PRKCA: variants seen among roughly 807,000 people sequenced by gnomAD.
PRKCA encodes protein kinase C alpha, also known as protein kinase C alpha type.
PRKCA carries 27 observed loss-of-function variants against 87.0 expected under a neutral mutation model. That is an observed-to-expected ratio of 0.31 (90% confidence interval 0.23 to 0.43). The LOEUF (loss-of-function observed/expected upper bound fraction) is 0.43, where lower values mean the gene tolerates loss of function less well. Among genes scored for constraint, PRKCA ranks in the 20% least tolerant of loss-of-function variants. The probability of loss-of-function intolerance (pLI) is 1.00; values close to 1 mark genes in which losing one functional copy is unlikely to be tolerated. For synonymous variants in PRKCA, 329 were observed against 311.1 expected, an observed-to-expected ratio of 1.06 and a Z score of -0.61; for missense variants, 518 against 852.3, an observed-to-expected ratio of 0.61 and a Z score of 4.88.
rs372777184 is a variant in PRKCA at position 66,750,547 on chromosome 17, G to A, written c.1524+7787G>A. On this transcript the variant is annotated intron_variant, in intron 13 of 16. Coordinates refer to ENST00000413366, the MANE Select transcript of PRKCA (RefSeq NM_002737.3). ...ACTGTCTCATAATTCTCCCCGCCTTGGAGTTTAATCAGTTTAGCCTCTTCT... is the reference window on the plus strand; with the variant it reads ...ACTGTCTCATAATTCTCCCCGCCTTAGAGTTTAATCAGTTTAGCCTCTTCT... Among the ~76,000 whole-genome samples, 112 of 152,262 alleles carry A rather than the reference G, an allele frequency of 7.4e-4. 4 individuals carry two copies. The South Asian group carries it at 0.022, about 29-fold the overall frequency.
intron 5 of PRKCA, among the ~76,000 whole-genome samples, chr17:66,682,704 A>G (rs1246957937): frequency 7.6e-6 from 1 of 132,070 alleles, no homozygotes; most frequent in Non-Finnish European, 1.7e-5. Context: ...AAGTAGTGTG[A>G]TTTTGTTGTT....
At position 66,556,624 on chromosome 17, in the gene PRKCA, G is replaced by A. The variant is rs1396652290; in HGVS notation, c.288+60341G>A. ...TGTATCAAGAGCAAGAACAGTTGGA[G>A]ACAACTAAATCATGGGGGGCAGTGT... On this transcript the variant is annotated intron_variant, in intron 3 of 16. Transcript: ENST00000413366. Among the ~76,000 whole-genome samples the A allele has an allele frequency of 2.6e-5, 4 of 152,172 alleles. No individual in the cohort carries two copies. The East Asian group carries it at 7.7e-4, about 29-fold the overall frequency.
chr17:66,798,249 G>A (rs1025008092), intron 16 of PRKCA, among the ~76,000 whole-genome samples: 1 of 152,262 alleles, frequency 6.6e-6, no homozygotes, highest in South Asian at 2.1e-4. Context: ...ATGGTGATGA[G>A]TAAGGTTAGA....
At chr17:66,436,250 A>T (rs998471916) in intron 2 of PRKCA, among the ~76,000 whole-genome samples, 1 of 152,160 alleles carries the variant, frequency 6.6e-6, no homozygotes, top group Non-Finnish European at 1.5e-5. Context: ...AGCAGGGGGA[A>T]GTCTTAGCAC....
chr17:66,732,382 G>A (rs777425569), intron 8 of PRKCA, among the ~76,000 whole-genome samples: 12 of 152,244 alleles, frequency 7.9e-5, no homozygotes, highest in African/African-American at 2.4e-4. Flanking sequence ...CCAAGAAGTC[G>A]ACTTTGACAT....
intron 9 of PRKCA, 65 bp from the exon 10 acceptor site, chr17:66,735,424 T>C: frequency 6.3e-7 from 1 of 1,577,098 alleles, no homozygotes; most frequent in African/African-American, 1.3e-5. Flanking sequence ...CTGGCCTGGT[T>C]CCTTCCCTCT....
intron 2 of PRKCA, among the ~76,000 whole-genome samples, chr17:66,315,143 A>G (rs1905253912): frequency 6.6e-6 from 1 of 152,106 alleles, no homozygotes; most frequent in African/African-American, 2.4e-5. Flanking sequence ...GATAGCCAGC[A>G]CCCATATAGC....
At chr17:66,371,287 C>G (rs1262239132) in intron 2 of PRKCA, among the ~76,000 whole-genome samples, 2 of 152,168 alleles carry the variant, frequency 1.3e-5, no homozygotes, top group Admixed American at 1.3e-4. Flanking sequence ...GAGAGGAGTT[C>G]AGAATGAAGA....
chr17:66,488,246 A>G (rs1019581972), intron 2 of PRKCA, among the ~76,000 whole-genome samples: 2 of 152,232 alleles, frequency 1.3e-5, no homozygotes, highest in African/African-American at 4.8e-5. Flanking sequence ...GGCGTGAACA[A>G]TAAAAGCGTG....
intron 2 of PRKCA, among the ~76,000 whole-genome samples, chr17:66,413,206 C>A (rs1911921324): frequency 6.6e-6 from 1 of 152,198 alleles, no homozygotes; most frequent in African/African-American, 2.4e-5. Context: ...CCTTCTCAGG[C>A]TCAGTTCATC....
rs540294393 is a variant in PRKCA, at chr17:66,670,888, A to T, written c.530-16223A>T. On this transcript the variant is annotated intron_variant, in intron 5 of 16. Transcript: ENST00000413366. ...AAAATAAATTTAAAAAAATTATAGA[A>T]AAAATAAATGCAAAGAAAACAGAGT... is the stretch of plus-strand genomic sequence containing the variant. Among the ~76,000 whole-genome samples, 6 of 152,114 alleles carry T rather than the reference A, an allele frequency of 3.9e-5. No homozygotes were observed. In the South Asian group the frequency reaches 1.2e-3, roughly 32 times the overall value.
intron 2 of PRKCA, among the ~76,000 whole-genome samples, chr17:66,336,985 T>C (rs889252146): frequency 9.2e-5 from 14 of 152,110 alleles, no homozygotes; most frequent in Non-Finnish European, 1.8e-4. Flanking sequence ...GAGATGGGGT[T>C]TCACCATGTT....
chr17:66,729,764 G>T (rs1189432086), intron 8 of PRKCA, among the ~76,000 whole-genome samples: 2 of 146,218 alleles, frequency 1.4e-5, no homozygotes, highest in Non-Finnish European at 3.0e-5. Context: ...CTTGATCCCT[G>T]TATGAGCGAG....
intron 5 of PRKCA, among the ~76,000 whole-genome samples, chr17:66,648,546 A>T (rs527785016): frequency 5.7e-4 from 87 of 152,334 alleles, no homozygotes; most frequent in African/African-American, 2.1e-3. Context: ...TTTTGATGAC[A>T]GTTTCCATAA....
At position 66,433,764 on chromosome 17, in the gene PRKCA, C is replaced by T. The variant is rs369075160; in HGVS notation, c.206-62437C>T. On this transcript the variant is annotated intron_variant, in intron 2 of 16. Transcript: ENST00000413366. ...TTCACCATGTTGCCCACGCTGGTCT[C>T]GAACTCCTGAGCTCAAATCATCCAC... 2.0e-4 allele frequency among the ~76,000 whole-genome samples: 30 copies of T among 152,252 alleles called. No homozygotes were observed. In the East Asian group the frequency reaches 5.4e-3, roughly 27 times the overall value.
intron 14 of PRKCA, among the ~76,000 whole-genome samples, chr17:66,778,591 CCTTTGGGGCCCTTG>C (rs1426733072): frequency 1.3e-5 from 2 of 151,984 alleles, no homozygotes; most frequent in Admixed American, 6.6e-5. Context: ...GTGGCTCATC[CCTTTGGGGCCCTTG>C]GGAGGCCAAG....
chr17:66,340,375 T>TTTTCC (rs1319881239), intron 2 of PRKCA, among the ~76,000 whole-genome samples: 1 of 130,362 alleles, frequency 7.7e-6, no homozygotes, highest in Admixed American at 8.0e-5. Flanking sequence ...TCTTTTTTTT[T>TTTTCC]TTTTCTTTTT....
At chr17:66,510,083 C>T (rs543625541) in intron 3 of PRKCA, among the ~76,000 whole-genome samples, 2 of 152,124 alleles carry the variant, frequency 1.3e-5, no homozygotes, top group South Asian at 4.2e-4. Flanking sequence ...TAGTGATAAG[C>T]AGAAAAGAGG....
At chr17:66,758,873 A>G (rs542038068) in intron 13 of PRKCA, among the ~76,000 whole-genome samples, 1 of 152,348 alleles carries the variant, frequency 6.6e-6, no homozygotes, top group East Asian at 1.9e-4. Flanking sequence ...GTGAAAGTAA[A>G]ATACTTTTAG....
Sources: allele counts gnomAD v4.1 joint callset (sites outside exome capture counted in the v4.1 genomes callset), GRCh38; gene constraint gnomAD v4.1.1; transcripts MANE v1.5; gene names NCBI Gene and HGNC (gene_info 2026-07-23, HGNC 2026-07-21).